Variants in EXOC4 observed in about 807,000 individuals in gnomAD.
EXOC4 encodes the protein SEC8-like 1.
In EXOC4, 71 loss-of-function variants were observed where a neutral mutation model predicts 107.2. That is an observed-to-expected ratio of 0.66 (90% CI 0.55 to 0.81). The LOEUF is 0.81. EXOC4 is among the 30% of genes least tolerant of loss of function. The pLI is 0.00. For synonymous variants in EXOC4, 456 were observed against 441.2 expected (o/e 1.03, Z -0.42); for missense variants, 1,108 against 1,189.6 (o/e 0.93, Z 1.01).
chr7:133,492,669 G>A (rs879922788), intron 9 of EXOC4, among the ~76,000 whole-genome samples: 1 of 151,056 alleles, frequency 6.6e-6, no homozygotes, highest in Non-Finnish European at 1.5e-5. Context: ...CTAGGCTTTC[G>A]TTGATGTATT....
intron 9 of EXOC4, among the ~76,000 whole-genome samples, chr7:133,607,083 T>C (rs984137337): frequency 1.3e-5 from 2 of 152,250 alleles, no homozygotes; most frequent in Non-Finnish European, 2.9e-5. Flanking sequence ...TGTCACAGCC[T>C]GGCTTCTATG....
chr7:134,044,659 T>C (rs1795602593), intron 17 of EXOC4, among the ~76,000 whole-genome samples: 1 of 152,190 alleles, frequency 6.6e-6, no homozygotes, highest in African/African-American at 2.4e-5. Flanking sequence ...AGGCATCTCC[T>C]CCTTCGCTTT....
At chr7:133,677,484 A>C (rs1794089873) in intron 10 of EXOC4, among the ~76,000 whole-genome samples, 1 of 152,178 alleles carries the variant, frequency 6.6e-6, no homozygotes, top group Non-Finnish European at 1.5e-5. Flanking sequence ...ATCTAAGTTT[A>C]TCAATCATAA....
chr7:133,557,727 A>G (rs1031060966), intron 9 of EXOC4, among the ~76,000 whole-genome samples: 1 of 152,178 alleles, frequency 6.6e-6, no homozygotes, highest in Non-Finnish European at 1.5e-5. Context: ...GCGGTGGCTC[A>G]CACCTGTAAT....
At chr7:133,403,867 G>A (rs368039441) in intron 7 of EXOC4, among the ~76,000 whole-genome samples, 63 of 152,132 alleles carry the variant, frequency 4.1e-4, no homozygotes, top group African/African-American at 1.4e-3. Context: ...GGAGTTTGCC[G>A]TCAGAAAAGT....
At chr7:133,343,532 C>A (rs530523087) in intron 5 of EXOC4, among the ~76,000 whole-genome samples, 1 of 151,980 alleles carries the variant, frequency 6.6e-6, no homozygotes, top group South Asian at 2.1e-4. Context: ...CCACCTCAGC[C>A]TCCCAATGTG....
chr7:133,888,902 A>C (rs1799144510), intron 11 of EXOC4, among the ~76,000 whole-genome samples: 1 of 152,186 alleles, frequency 6.6e-6, no homozygotes, highest in South Asian at 2.1e-4. Flanking sequence ...TGTTGAGAGG[A>C]TTAAACAAAA....
intron 7 of EXOC4, among the ~76,000 whole-genome samples, chr7:133,428,817 T>C (rs1797785768): frequency 6.6e-6 from 1 of 152,264 alleles, no homozygotes; most frequent in Non-Finnish European, 1.5e-5. Context: ...TACCAGGACT[T>C]ACTAAAGTTA....
intron 2 of EXOC4, among the ~76,000 whole-genome samples, chr7:133,283,695 G>C (rs547496644): frequency 5.3e-5 from 8 of 152,262 alleles, no homozygotes; most frequent in South Asian, 2.1e-4. Context: ...TTTTGGCAAA[G>C]GTATATATCA....
At chr7:133,867,802 G>A (rs1193421048) in intron 11 of EXOC4, among the ~76,000 whole-genome samples, 2 of 152,124 alleles carry the variant, frequency 1.3e-5, no homozygotes, top group African/African-American at 4.8e-5. Context: ...AAGAGACCAG[G>A]TCCTTTCTGT....
At chr7:133,253,432 A>G in intron 1 of EXOC4, 8 of 1,252,526 alleles carry the variant, frequency 6.4e-6, no homozygotes, top group African/African-American at 3.1e-5. Context: ...AGCACCTTCT[A>G]TTACAGTCTC....
At chr7:133,773,426 G>A (rs1282676698) in intron 10 of EXOC4, among the ~76,000 whole-genome samples, 1 of 151,596 alleles carries the variant, frequency 6.6e-6, no homozygotes, top group African/African-American at 2.4e-5. Context: ...TACAAGAAGT[G>A]TGGAGAAGAG....
chr7:133,606,255 G>A (rs1458994655), intron 9 of EXOC4, among the ~76,000 whole-genome samples: 1 of 151,630 alleles, frequency 6.6e-6, no homozygotes, highest in Non-Finnish European at 1.5e-5. Flanking sequence ...CCTCATTCCT[G>A]TAAGCTACCA....
chr7:133,847,481 C>T (rs1261702433), intron 11 of EXOC4, among the ~76,000 whole-genome samples: 1 of 150,288 alleles, frequency 6.7e-6, no homozygotes, highest in African/African-American at 2.5e-5. Flanking sequence ...TGGGTTCAAG[C>T]GATTGTCCTG....
rs143536141 is a variant in EXOC4, at chr7:133,913,937, G to T, written c.1872-3646G>T. ...TTGGCTAAGAAAGGTTAGGATGGTA[G>T]GTAAAGAACGTGATGCGGAAAGCAA... On this transcript the variant is annotated intron_variant, in intron 12 of 17. Transcript: ENST00000253861. 7.5e-3 allele frequency among the ~76,000 whole-genome samples: 1,138 copies of T among 152,266 alleles called. 14 individuals carry two copies. Among genetic ancestry groups the T allele is most frequent in the African/African-American group, 0.026 (1,088 of 41,534 alleles).
At chr7:133,745,254 A>G (rs1166955426) in intron 10 of EXOC4, among the ~76,000 whole-genome samples, 1 of 152,180 alleles carries the variant, frequency 6.6e-6, no homozygotes, top group African/African-American at 2.4e-5. Flanking sequence ...GATATTATGC[A>G]AGCACTAAGG....
intron 9 of EXOC4, among the ~76,000 whole-genome samples, chr7:133,503,676 C>T (rs1226519501): frequency 6.6e-6 from 1 of 152,096 alleles, no homozygotes; most frequent in East Asian, 1.9e-4. Flanking sequence ...TTTCGGCATC[C>T]AATAAACATT....
intron 1 of EXOC4, among the ~76,000 whole-genome samples, chr7:133,257,900 G>A (rs1795054322): frequency 6.6e-6 from 1 of 152,162 alleles, no homozygotes; most frequent in Non-Finnish European, 1.5e-5. Context: ...TTGTTGAAGG[G>A]GTCCAGGCTT....
chr7:133,999,060 A>G (rs776158445), intron 15 of EXOC4, among the ~76,000 whole-genome samples: 8 of 152,164 alleles, frequency 5.3e-5, no homozygotes, highest in Admixed American at 1.3e-4. Context: ...CAAGTATGCC[A>G]TTGAGAGATG....
Sources: gnomAD v4.1 joint callset for allele counts (sites outside exome capture counted in the v4.1 genomes callset) on GRCh38, gnomAD v4.1.1 for gene constraint, MANE v1.5 for transcripts, NCBI Gene and HGNC (gene_info 2026-07-23, HGNC 2026-07-21) for gene names.